The following DAPK2 variants were observed in gnomAD, a reference collection of about 807,000 sequenced individuals.
DAPK2 encodes the protein death associated protein kinase 2.
A neutral mutation model predicts 44.1 loss-of-function variants in DAPK2; 35 were observed. The ratio of observed to expected loss-of-function variants is 0.79; its 90% CI spans 0.61 to 1.05. DAPK2 has a LOEUF of 1.05. DAPK2 is among the 50% of genes least tolerant of loss of function. The probability of loss-of-function intolerance (pLI) is 0.00; values close to 1 mark genes in which losing one functional copy is unlikely to be tolerated. For synonymous variants in DAPK2, 174 were observed against 182.6 expected, an observed-to-expected ratio of 0.95 and a Z score of 0.38; for missense variants, 453 against 483.2, an observed-to-expected ratio of 0.94 and a Z score of 0.59.
chr15:63,952,166 G>A (rs563116883), intron 3 of DAPK2, among the ~76,000 whole-genome samples: 1 of 152,244 alleles, frequency 6.6e-6, no homozygotes, highest in South Asian at 2.1e-4. Flanking sequence ...TTTGAACCTG[G>A]GAGGCAGAGG....
intron 8 of DAPK2, chr15:63,921,539 C>T (rs1426033452): frequency 2.0e-5 from 3 of 152,236 alleles, no homozygotes; most frequent in African/African-American, 7.2e-5. Context: ...TTGACTGTCC[C>T]CTCCCCCAGA....
intron 1 of DAPK2, among the ~76,000 whole-genome samples, chr15:64,016,325 T>A (rs972355524): frequency 1.3e-5 from 2 of 152,232 alleles, no homozygotes; most frequent in African/African-American, 4.8e-5. Context: ...GAGTCCATTA[T>A]CACAGAGAGG....
chr15:63,977,142 CTGAGA>C (rs951149856), intron 2 of DAPK2, among the ~76,000 whole-genome samples: 3 of 152,270 alleles, frequency 2.0e-5, no homozygotes, highest in Admixed American at 6.5e-5. Flanking sequence ...TGAAGAGAGA[CTGAGA>C]TAAGATGGCA....
Position 63,980,290 on chromosome 15 carries a change from G to A in DAPK2, c.314+3243C>T, listed in dbSNP as rs886160551. Among the ~76,000 whole-genome samples, 9 of 152,070 alleles carry A rather than the reference G, an allele frequency of 5.9e-5. No homozygotes were observed. The highest frequency in any genetic ancestry group is 1.9e-4 in the East Asian group (1 of 5,200). ...AAGAGCATTTACCTGCCACATCCCCGCCACCGACTCCTAGGGTTCTACAAA... is the reference window on the plus strand; with the variant it reads ...AAGAGCATTTACCTGCCACATCCCCACCACCGACTCCTAGGGTTCTACAAA... On this transcript the variant is annotated intron_variant, in intron 2 of 10. Coordinates refer to ENST00000261891, the Ensembl canonical transcript of DAPK2. The surrounding 1 kb of genome is among the most constrained non-coding windows in gnomAD (Gnocchi z 4.3).
intron 1 of DAPK2, among the ~76,000 whole-genome samples, chr15:64,000,650 A>G (rs1246671480): frequency 6.6e-6 from 1 of 152,178 alleles, no homozygotes. Context: ...GTAATGGAAG[A>G]AGGCATGATG....
intron 2 of DAPK2, among the ~76,000 whole-genome samples, 189 bp from the exon 4 acceptor site, chr15:63,971,750 T>A (rs1207000904): frequency 6.6e-6 from 1 of 152,228 alleles, no homozygotes; most frequent in Non-Finnish European, 1.5e-5. Flanking sequence ...TTTGCTTTGT[T>A]CTTTCTTTTG....
chr15:63,991,445 T>A (rs993998550), intron 1 of DAPK2: 1 of 408,298 alleles, frequency 2.4e-6, no homozygotes, highest in African/African-American at 2.1e-5. Flanking sequence ...TTCCCCTCCC[T>A]GACCTTGTTG....
intron 3 of DAPK2, chr15:63,942,058 GC>G (rs746479932): frequency 4.8e-4 from 112 of 235,734 alleles, no homozygotes; most frequent in Non-Finnish European, 7.2e-4. Flanking sequence ...ATAGCTGAGA[GC>G]CCAGGACACC....
intron 1 of DAPK2, among the ~76,000 whole-genome samples, chr15:64,007,831 TTTGGCA>T (rs2141003712): frequency 6.6e-6 from 1 of 152,302 alleles, no homozygotes; most frequent in South Asian, 2.1e-4. Flanking sequence ...CTGGATATTA[TTTGGCA>T]ATTAAAAGGA....
At chr15:64,015,881 G>A (rs1231520278) in intron 1 of DAPK2, among the ~76,000 whole-genome samples, 2 of 152,208 alleles carry the variant, frequency 1.3e-5, no homozygotes, top group African/African-American at 4.8e-5. Context: ...AATCAACCCT[G>A]CTGACACCTT....
At chr15:63,999,399 G>A (rs764582210) in intron 1 of DAPK2, among the ~76,000 whole-genome samples, 17 of 152,110 alleles carry the variant, frequency 1.1e-4, no homozygotes, top group Non-Finnish European at 2.4e-4. Flanking sequence ...CCACAGGGGA[G>A]AGGAAGATCA....
rs60386813 is a variant in DAPK2 at position 64,036,338 on chromosome 15, CAT to C, written c.92+3830_92+3831del. 9.1e-4 allele frequency among the ~76,000 whole-genome samples: 39 copies of C among 42,994 alleles called. 1 individual carries two copies. Among genetic ancestry groups the C allele is most frequent in the Middle Eastern group, 0.012 (1 of 82 alleles). The allele number at this position is 42,994 out of a possible 152,430, so 28.2% of individuals were successfully genotyped here. On this transcript the variant is annotated intron_variant, in intron 1 of 10. Transcript: ENST00000261891. Reference sequence around the variant, plus strand: ...ATATATGTATATATATATATATATACATATATATATATATATTTTAGTTAAGG... The same window carrying C: ...ATATATGTATATATATATATATATACATATATATATATATTTTAGTTAAGG...
At chr15:63,944,722 A>C (rs1376263158) in intron 3 of DAPK2, among the ~76,000 whole-genome samples, 1 of 152,158 alleles carries the variant, frequency 6.6e-6, no homozygotes, top group East Asian at 1.9e-4. Flanking sequence ...CTGGCAGTCC[A>C]ATCCCTTTCT....
chr15:64,045,461 A>G (rs912674647), intron 1 of DAPK2, among the ~76,000 whole-genome samples: 9 of 152,228 alleles, frequency 5.9e-5, no homozygotes. Flanking sequence ...CCTCCACAGG[A>G]TTCCAGGATA....
intron 6 of DAPK2, chr15:63,928,266 C>T (rs1408639001): frequency 6.6e-6 from 1 of 152,408 alleles, no homozygotes; most frequent in Admixed American, 6.5e-5. Context: ...TGCTGTGCAG[C>T]CAGGGTTGAG....
At chr15:64,041,775 T>C (rs1199572805), upstream of DAPK2, among the ~76,000 whole-genome samples, 1 of 152,170 alleles carries the variant, frequency 6.6e-6, no homozygotes, top group Non-Finnish European at 1.5e-5. Context: ...AGCGGGTGTA[T>C]ACATTTCACC....
chr15:63,932,633 T>C (rs1324686427), intron 4 of DAPK2: 2 of 152,162 alleles, frequency 1.3e-5, no homozygotes, highest in East Asian at 3.9e-4. Context: ...GAGGAAGGAC[T>C]GAGCCCATTC....
chr15:63,913,353 T>C (rs11854930), intron 8 of DAPK2, among the ~76,000 whole-genome samples: 24,194 of 152,252 alleles, frequency 0.16, 2,225 homozygotes, highest in African/African-American at 0.26. Context: ...TTTTATGATA[T>C]ATAAATTATA....
At position 64,000,597 on chromosome 15, in the gene DAPK2, G is replaced by C. The variant is rs146700684; in HGVS notation, c.93-16843C>G. Among the ~76,000 whole-genome samples, 16 of 152,248 alleles carry C rather than the reference G, an allele frequency of 1.1e-4. No individual in the cohort carries two copies. The East Asian group carries it at 2.9e-3, about 28-fold the overall frequency. ...GAATTAGACTGCTTTCCTACTAGTT[G>C]GCAGAATTCAGGTATGCAGGGGGAA... is the stretch of plus-strand genomic sequence containing the variant. On this transcript the variant is annotated intron_variant, in intron 1 of 10. Coordinates refer to ENST00000261891, the Ensembl canonical transcript of DAPK2.
Sources: gnomAD v4.1 joint callset for allele counts (sites outside exome capture counted in the v4.1 genomes callset) on GRCh38, gnomAD v4.1.1 for gene constraint, Gnocchi (gnomAD v3.1) non-coding constraint, MANE v1.5 for transcripts, NCBI Gene and HGNC (gene_info 2026-07-23, HGNC 2026-07-21) for gene names.